KCNMA1: variants seen among roughly 807,000 people sequenced by gnomAD.
KCNMA1 encodes the protein potassium calcium-activated channel subfamily M alpha 1.
Under a neutral mutation model 140.0 loss-of-function variants are expected in KCNMA1, and 29 were observed. The observed-to-expected ratio is 0.21, with a 90% confidence interval of 0.15 to 0.28. The LOEUF (loss-of-function observed/expected upper bound fraction) is 0.28, where lower values mean the gene tolerates loss of function less well. Ranked by LOEUF, KCNMA1 falls within the 10% of genes least tolerant of loss-of-function variation. KCNMA1 has a pLI of 1.00. For synonymous variants in KCNMA1, 612 were observed against 611.9 expected, an observed-to-expected ratio of 1.00 and a Z score of 0.00; for missense variants, 880 against 1,602.2, an observed-to-expected ratio of 0.55 and a Z score of 7.70.
At chr10:76,946,202 G>A (rs1027812550) in intron 22 of KCNMA1, among the ~76,000 whole-genome samples, 2 of 152,174 alleles carry the variant, frequency 1.3e-5, no homozygotes, top group Non-Finnish European at 2.9e-5. Context: ...GTGTCTTCAG[G>A]TGAAGCCACA....
At chr10:77,347,119 T>C (rs1016674594) in intron 2 of KCNMA1, among the ~76,000 whole-genome samples, 2 of 152,170 alleles carry the variant, frequency 1.3e-5, no homozygotes, top group African/African-American at 4.8e-5. Flanking sequence ...AGAGTACCAA[T>C]ATCCTGATGT....
intron 1 of KCNMA1, chr10:77,498,633 G>T (rs1411774525): frequency 6.6e-6 from 1 of 152,208 alleles, no homozygotes; most frequent in Admixed American, 6.5e-5. Flanking sequence ...CAGTGCTCTA[G>T]TGCAAGATCC....
At chr10:77,293,046 C>A (rs931505741) in intron 2 of KCNMA1, among the ~76,000 whole-genome samples, 1 of 152,058 alleles carries the variant, frequency 6.6e-6, no homozygotes. Flanking sequence ...GCATGGCAGG[C>A]AGAGGGAACA....
chr10:77,484,388 C>A (rs2098438169), intron 1 of KCNMA1, among the ~76,000 whole-genome samples: 1 of 152,242 alleles, frequency 6.6e-6, no homozygotes, highest in Non-Finnish European at 1.5e-5. Context: ...AAGTTGCCGT[C>A]CCCCATCATA....
intron 14 of KCNMA1, among the ~76,000 whole-genome samples, chr10:77,045,242 T>A (rs1025863037): frequency 2.6e-5 from 4 of 152,172 alleles, no homozygotes; most frequent in Admixed American, 1.3e-4. Flanking sequence ...GGGACCAAAA[T>A]GACTTAGGGA....
At chr10:77,508,312 C>T (rs914330178) in intron 1 of KCNMA1, among the ~76,000 whole-genome samples, 1 of 151,066 alleles carries the variant, frequency 6.6e-6, no homozygotes, top group Non-Finnish European at 1.5e-5. Flanking sequence ...GTAGCTGGGA[C>T]TACAGATACG....
intron 1 of KCNMA1, among the ~76,000 whole-genome samples, chr10:77,601,111 C>T (rs549968829): frequency 7.2e-5 from 11 of 152,322 alleles, no homozygotes; most frequent in South Asian, 6.2e-4. Flanking sequence ...CTGGCTTTTA[C>T]GGTCAGCCCT....
At chr10:77,174,546 T>G (rs1323697075) in intron 5 of KCNMA1, among the ~76,000 whole-genome samples, 1 of 152,174 alleles carries the variant, frequency 6.6e-6, no homozygotes, top group African/African-American at 2.4e-5. Flanking sequence ...GCTGGTAGGA[T>G]GGAGGAACTG....
chr10:77,506,786 GAAGA>G (rs140546841), intron 1 of KCNMA1, among the ~76,000 whole-genome samples: 9,012 of 114,730 alleles, frequency 0.079, 655 homozygotes, highest in African/African-American at 0.14. Flanking sequence ...TTTGAAATAT[GAAGA>G]AAGAGAGAGA....
At chr10:76,972,910 A>C (rs1011527677) in intron 19 of KCNMA1, 5 of 152,210 alleles carry the variant, frequency 3.3e-5, no homozygotes, top group African/African-American at 1.2e-4. Flanking sequence ...TATGGATCCT[A>C]TCAATTTCTG....
At chr10:77,126,735 C>CCCCCCCCCCCCCCCCCCCA (rs1554849516) in intron 5 of KCNMA1, among the ~76,000 whole-genome samples, 1 of 144,008 alleles carries the variant, frequency 6.9e-6, no homozygotes, top group Non-Finnish European at 1.5e-5. Flanking sequence ...ACCCCCCCCC[C>CCCCCCCCCCCCCCCCCCCA]ACCACCACAC....
At chr10:76,924,438 T>A (rs760782563) in intron 23 of KCNMA1, among the ~76,000 whole-genome samples, 1 of 152,228 alleles carries the variant, frequency 6.6e-6, no homozygotes, top group Non-Finnish European at 1.5e-5. Flanking sequence ...ATTTTCTTTT[T>A]GGTTTCTATA....
chr10:77,359,919 G>A (rs907667352), intron 2 of KCNMA1, among the ~76,000 whole-genome samples: 4 of 152,284 alleles, frequency 2.6e-5, no homozygotes, highest in Non-Finnish European at 4.4e-5. Flanking sequence ...AAGAACAAAC[G>A]AATGCCAAGG....
chr10:77,609,744 G>A (rs910820929), intron 1 of KCNMA1, among the ~76,000 whole-genome samples: 3 of 143,798 alleles, frequency 2.1e-5, no homozygotes, highest in African/African-American at 7.9e-5. Context: ...AATAATAAGT[G>A]TTCATTTTAA....
chr10:77,480,040 C>T (rs1046837102), intron 1 of KCNMA1, among the ~76,000 whole-genome samples: 10 of 152,216 alleles, frequency 6.6e-5, no homozygotes, highest in African/African-American at 1.4e-4. Flanking sequence ...GGAGGAGAAC[C>T]GTCTCATGGG....
At chr10:77,324,173 C>A (rs1455005126) in intron 2 of KCNMA1, among the ~76,000 whole-genome samples, 1 of 152,210 alleles carries the variant, frequency 6.6e-6, no homozygotes, top group Non-Finnish European at 1.5e-5. Flanking sequence ...ATGGCACCAA[C>A]TGAACACTGT....
intron 15 of KCNMA1, among the ~76,000 whole-genome samples, chr10:77,035,411 C>A (rs772921361): frequency 6.6e-6 from 1 of 152,222 alleles, no homozygotes; most frequent in African/African-American, 2.4e-5. Context: ...CAGCACTTAT[C>A]AGTGGGTGTC....
chr10:77,571,269 A>T (rs1371172986), intron 1 of KCNMA1, among the ~76,000 whole-genome samples: 1 of 152,114 alleles, frequency 6.6e-6, no homozygotes, highest in Non-Finnish European at 1.5e-5. Flanking sequence ...TTGGATTTTG[A>T]GAGTGAAAGC....
chr10:77,223,232 A>G (rs2050251492), intron 3 of KCNMA1, among the ~76,000 whole-genome samples: 1 of 102,210 alleles, frequency 9.8e-6, no homozygotes. Flanking sequence ...TCCATCTCAG[A>G]AAAAAAAAAA....
Sources: allele counts gnomAD v4.1 joint callset (sites outside exome capture counted in the v4.1 genomes callset), GRCh38; gene constraint gnomAD v4.1.1; transcripts MANE v1.5; gene names NCBI Gene and HGNC (gene_info 2026-07-23, HGNC 2026-07-21).